KIAA2012: variants seen among roughly 807,000 people sequenced by gnomAD.
KIAA2012 encodes uncharacterized protein KIAA2012.
A neutral mutation model predicts 150.6 loss-of-function variants in KIAA2012; 125 were observed. The ratio of observed to expected loss-of-function variants is 0.83; its 90% CI spans 0.72 to 0.96. The LOEUF is 0.96. Ranked by LOEUF, KIAA2012 falls within the 40% of genes least tolerant of loss-of-function variation. The pLI is 0.00. For synonymous variants in KIAA2012, 462 were observed against 504.7 expected (o/e 0.92, Z 1.13); for missense variants, 1,219 against 1,354.9 (o/e 0.90, Z 1.57).
At chr2:202,152,603 C>T (rs778848031) in intron 13 of KIAA2012, among the ~76,000 whole-genome samples, 1 of 152,104 alleles carries the variant, frequency 6.6e-6, no homozygotes, top group Non-Finnish European at 1.5e-5. Flanking sequence ...CTTGAAATGC[C>T]TTGTCTGAGT....
chr2:202,161,073 A>T (rs750699933), intron 14 of KIAA2012, among the ~76,000 whole-genome samples: 29 of 152,300 alleles, frequency 1.9e-4, no homozygotes, highest in Middle Eastern at 6.8e-3. Context: ...ATAACCTAAG[A>T]TCACTTGTCC....
chr2:202,110,220 G>C (rs972783723), intron 10 of KIAA2012, among the ~76,000 whole-genome samples: 4 of 152,192 alleles, frequency 2.6e-5, no homozygotes, highest in Admixed American at 1.3e-4. Flanking sequence ...CCTGTTCACA[G>C]AGACGGAAAG....
intron 12 of KIAA2012, chr2:202,136,030 C>A: frequency 7.7e-6 from 3 of 388,964 alleles, no homozygotes; most frequent in South Asian, 3.8e-5. Flanking sequence ...CAGAGTCTCA[C>A]TCTGTTGTGT....
At chr2:202,117,505 AG>A (rs1202434843) in intron 11 of KIAA2012, among the ~76,000 whole-genome samples, 1 of 152,206 alleles carries the variant, frequency 6.6e-6, no homozygotes, top group Non-Finnish European at 1.5e-5. Flanking sequence ...GAGAGATGTA[AG>A]GGAGGACAAT....
intron 11 of KIAA2012, among the ~76,000 whole-genome samples, chr2:202,123,101 A>C (rs1690693733): frequency 6.6e-6 from 1 of 152,160 alleles, no homozygotes; most frequent in Non-Finnish European, 1.5e-5. Context: ...TGAGCTTCCT[A>C]GCAGGCAGCT....
intron 21 of KIAA2012, among the ~76,000 whole-genome samples, chr2:202,196,186 C>CTTTTCTTTTCT (rs59455367): frequency 1.3e-5 from 1 of 79,674 alleles, no homozygotes; most frequent in African/African-American, 6.1e-5. Context: ...CTTTTCTTTT[C>CTTTTCTTTTCT]TTTTTTTTTT....
At chr2:202,082,135 T>C (rs1458661354) in intron 2 of KIAA2012, among the ~76,000 whole-genome samples, 1 of 152,240 alleles carries the variant, frequency 6.6e-6, no homozygotes, top group Non-Finnish European at 1.5e-5. Flanking sequence ...AAGAAATATC[T>C]ATTCAAGTCT....
At chr2:202,165,150 G>T in intron 14 of KIAA2012, 134 bp from the exon 15 acceptor site, 1 of 779,696 alleles carries the variant, frequency 1.3e-6, no homozygotes, top group Non-Finnish European at 2.0e-6. Flanking sequence ...TAAGTAAAAA[G>T]TTGACGAAGA....
chr2:202,131,387 T>A (rs1416349097), intron 12 of KIAA2012, among the ~76,000 whole-genome samples: 2 of 152,186 alleles, frequency 1.3e-5, no homozygotes, highest in Admixed American at 1.3e-4. Context: ...GTGATCCACC[T>A]GCCTCAGCCT....
chr2:202,133,130 A>ATATATTT (rs1279080237), intron 12 of KIAA2012, among the ~76,000 whole-genome samples: 2 of 67,780 alleles, frequency 3.0e-5, no homozygotes, highest in African/African-American at 1.2e-4. Flanking sequence ...ATATATATAT[A>ATATATTT]TTTTTTTTTT....
intron 20 of KIAA2012, 79 bp downstream of exon 20, chr2:202,193,582 C>A: frequency 1.4e-6 from 2 of 1,416,232 alleles, no homozygotes; most frequent in East Asian, 2.5e-5. Flanking sequence ...CCCCTAGGGG[C>A]AATGTTTGGT....
At chr2:202,170,763 C>G (rs1691869607) in intron 15 of KIAA2012, among the ~76,000 whole-genome samples, 1 of 152,206 alleles carries the variant, frequency 6.6e-6, no homozygotes, top group Non-Finnish European at 1.5e-5. Flanking sequence ...ATTTACGAAC[C>G]TAGACTGCGT....
chr2:202,183,496 T>TTTTTA (rs1491509295), intron 15 of KIAA2012, among the ~76,000 whole-genome samples: 1 of 126,212 alleles, frequency 7.9e-6, no homozygotes. Context: ...TTTTTTTTTT[T>TTTTTA]GAGACAGTCT....
intron 3 of KIAA2012, 65 bp downstream of exon 3, chr2:202,090,994 T>C: frequency 6.8e-7 from 1 of 1,470,424 alleles, no homozygotes; most frequent in South Asian, 1.4e-5. Context: ...GGTGTGACAG[T>C]GTGTTTTCCA....
chr2:202,134,262 T>C (rs1691015185), intron 12 of KIAA2012, among the ~76,000 whole-genome samples: 2 of 152,196 alleles, frequency 1.3e-5, no homozygotes, highest in Non-Finnish European at 2.9e-5. Context: ...GCCTCAGAAA[T>C]GATATACATA....
intron 23 of KIAA2012, among the ~76,000 whole-genome samples, chr2:202,204,048 C>T (rs1287902449): frequency 1.3e-5 from 2 of 150,328 alleles, no homozygotes; most frequent in Admixed American, 6.7e-5. Context: ...GGATTACAGG[C>T]GTGAGCCACC....
At chr2:202,153,874 A>G (rs1266747131) in intron 13 of KIAA2012, among the ~76,000 whole-genome samples, 1 of 152,176 alleles carries the variant, frequency 6.6e-6, no homozygotes, top group African/African-American at 2.4e-5. Context: ...AGGGCTTATA[A>G]ACCTTGTAAG....
intron 11 of KIAA2012, chr2:202,115,532 C>A (rs149176394): frequency 6.6e-6 from 1 of 152,284 alleles, no homozygotes; most frequent in East Asian, 1.9e-4. Flanking sequence ...GTAGCCTCAG[C>A]CCCATTCCTC....
Position 202,113,439 on chromosome 2 carries a change from G to C in KIAA2012, c.1755G>C (p.Ser585=). 6.5e-7 allele frequency: 1 copy of C among 1,549,228 alleles called. No individual in the cohort carries two copies. Among genetic ancestry groups the C allele is most frequent in the Non-Finnish European group, 8.7e-7 (1 of 1,146,136 alleles). The part of the protein sequence containing the change: ...PGHTQTEALP[S]GKAYESVNSN... ...ATACCCAAACCGAGGCGCTTCCATCGGGTAAAGGTAAGCTAACACATTCCA... is the reference window on the plus strand; with the variant it reads ...ATACCCAAACCGAGGCGCTTCCATCCGGTAAAGGTAAGCTAACACATTCCA... Residue 585 remains serine (S), a synonymous_variant, in exon 11 of 24, where the codon TCG becomes TCC. Transcript: ENST00000498697.
Sources: gnomAD v4.1 joint callset for allele counts (sites outside exome capture counted in the v4.1 genomes callset) on GRCh38, gnomAD v4.1.1 for gene constraint, MANE v1.5 for transcripts, NCBI Gene and HGNC (gene_info 2026-07-23, HGNC 2026-07-21) for gene names.